KAZN: variants seen among roughly 807,000 people sequenced by gnomAD.
KAZN encodes the protein kazrin, periplakin interacting protein, also known as kazrin.
A neutral mutation model predicts 87.4 loss-of-function variants in KAZN; 40 were observed. The observed-to-expected ratio is 0.46, with a 90% CI of 0.36 to 0.60. The LOEUF is 0.60. Ranked by LOEUF, KAZN falls within the 20% of genes least tolerant of loss-of-function variation. The pLI is 0.00. For missense variants in KAZN, 898 were observed against 1,073.9 expected (o/e 0.84, Z 2.29); for synonymous variants, 466 against 458.3 (o/e 1.02, Z -0.22).
chr1:13,937,614 G>A (rs150864539), intron 1 of KAZN, among the ~76,000 whole-genome samples: 1 of 152,276 alleles, frequency 6.6e-6, no homozygotes, highest in African/African-American at 2.4e-5. Flanking sequence ...CCAATGTCCA[G>A]AAGAGATTTT....
At chr1:14,135,559 G>C (rs879657447) in intron 1 of KAZN, among the ~76,000 whole-genome samples, 1 of 152,200 alleles carries the variant, frequency 6.6e-6, no homozygotes, top group African/African-American at 2.4e-5. Flanking sequence ...TCTTTAACAA[G>C]TATCTCGAAC....
chr1:14,952,272 G>GTGTGTA (rs1662584603), intron 1 of KAZN, among the ~76,000 whole-genome samples: 1 of 148,730 alleles, frequency 6.7e-6, no homozygotes, highest in African/African-American at 2.5e-5. Flanking sequence ...GTGTGTGTGT[G>GTGTGTA]TGTGTCTCAA....
At chr1:14,005,161 A>C (rs1639982483) in intron 1 of KAZN, among the ~76,000 whole-genome samples, 1 of 152,240 alleles carries the variant, frequency 6.6e-6, no homozygotes, top group Non-Finnish European at 1.5e-5. Context: ...TTACTTTAAA[A>C]AGGAAAATAA....
intron 2 of KAZN, among the ~76,000 whole-genome samples, chr1:14,225,146 A>C (rs1397004012): frequency 1.3e-5 from 2 of 152,156 alleles, no homozygotes; most frequent in East Asian, 3.9e-4. Context: ...TACACCTAGA[A>C]AACCCCAGTC....
At chr1:14,533,753 A>G (rs1188541402) in intron 2 of KAZN, among the ~76,000 whole-genome samples, 1 of 152,118 alleles carries the variant, frequency 6.6e-6, no homozygotes, top group African/African-American at 2.4e-5. Context: ...CCAGTCTACA[A>G]TCCACAATTT....
chr1:14,512,630 C>G (rs535297365), intron 2 of KAZN, among the ~76,000 whole-genome samples: 1 of 152,170 alleles, frequency 6.6e-6, no homozygotes, highest in South Asian at 2.1e-4. Context: ...CCCAGAAAAG[C>G]TAAGGCCCAT....
At chr1:13,978,080 A>G (rs1638454135) in intron 1 of KAZN, among the ~76,000 whole-genome samples, 1 of 137,744 alleles carries the variant, frequency 7.3e-6, no homozygotes, top group Non-Finnish European at 1.5e-5. Context: ...GTGAGCCGAG[A>G]TCGTGCCACT....
In KAZN at chr1:14,111,683, C is replaced by T. The variant is rs557925312; in HGVS notation, c.92-68752C>T. On this transcript the variant is annotated intron_variant, in intron 1 of 16. Transcript: ENST00000636203. ...GCAGGGGCATTGAAAGTCCTGCACA[C>T]CTGCGTTGTCTCTGGACTCCACACC... Among the ~76,000 whole-genome samples, 129 of 133,328 alleles carry T rather than the reference C, an allele frequency of 9.7e-4. 25 individuals carry two copies. Among genetic ancestry groups the T allele is most frequent in the South Asian group, 1.8e-3 (7 of 3,968 alleles). The allele number at this position is 133,328 out of a possible 152,430, so 87.5% of individuals were successfully genotyped here. A position where few individuals can be genotyped will look rare whatever the true frequency, so the allele number is the denominator to read the frequency against.
intron 2 of KAZN, among the ~76,000 whole-genome samples, chr1:14,462,739 A>C (rs1412031127): frequency 6.6e-6 from 1 of 152,170 alleles, no homozygotes; most frequent in Non-Finnish European, 1.5e-5. Flanking sequence ...GAGTTTGTGC[A>C]GGGGAACTCC....
chr1:13,979,672 T>C (rs1160788518), intron 1 of KAZN, among the ~76,000 whole-genome samples: 3 of 152,204 alleles, frequency 2.0e-5, no homozygotes, highest in Non-Finnish European at 1.5e-5. Context: ...CACACGCCTG[T>C]AATCCCAGTA....
intron 1 of KAZN, among the ~76,000 whole-genome samples, chr1:14,080,714 G>A (rs1643643145): frequency 6.6e-6 from 1 of 152,200 alleles, no homozygotes; most frequent in Non-Finnish European, 1.5e-5. Context: ...AAAAGCTTCG[G>A]TAGCACATAG....
intron 1 of KAZN, among the ~76,000 whole-genome samples, chr1:14,621,806 C>T (rs990561541): frequency 1.3e-5 from 2 of 152,182 alleles, no homozygotes. Context: ...TCTGCCATGA[C>T]TGTGAGGCCC....
At chr1:15,085,408 A>G (rs1640204179) in intron 8 of KAZN, among the ~76,000 whole-genome samples, 1 of 152,116 alleles carries the variant, frequency 6.6e-6, no homozygotes, top group Non-Finnish European at 1.5e-5. Flanking sequence ...GCTCACTGCA[A>G]CCTCCACCTC....
intron 2 of KAZN, among the ~76,000 whole-genome samples, chr1:14,345,035 C>T (rs2100919950): frequency 6.6e-6 from 1 of 152,092 alleles, no homozygotes; most frequent in East Asian, 1.9e-4. Flanking sequence ...TCTCCTGCCT[C>T]AGCCTTCCGA....
At chr1:13,995,795 T>C (rs1031402190) in intron 1 of KAZN, among the ~76,000 whole-genome samples, 1 of 152,234 alleles carries the variant, frequency 6.6e-6, no homozygotes, top group African/African-American at 2.4e-5. Context: ...CTCCTCAGCC[T>C]GCAGACAGCC....
At chr1:14,180,389 A>C (rs1227573588) in intron 1 of KAZN, 1 of 1,526,994 alleles carries the variant, frequency 6.5e-7, no homozygotes, top group Non-Finnish European at 8.8e-7. Flanking sequence ...TTCTCTTTGA[A>C]AGTTACCAGT....
chr1:14,798,740 CT>C (rs1233178359), intron 1 of KAZN, among the ~76,000 whole-genome samples: 3 of 150,024 alleles, frequency 2.0e-5, no homozygotes, highest in Non-Finnish European at 4.4e-5. Context: ...GGCCCACTTT[CT>C]TTTTTCTTTT....
intron 1 of KAZN, among the ~76,000 whole-genome samples, chr1:14,951,309 G>T (rs1375252708): frequency 6.6e-6 from 1 of 152,012 alleles, no homozygotes; most frequent in East Asian, 1.9e-4. Flanking sequence ...CTTCCTTTCA[G>T]AACTCCCCTC....
At chr1:13,920,833 C>T (rs987484202) in intron 1 of KAZN, among the ~76,000 whole-genome samples, 2 of 152,182 alleles carry the variant, frequency 1.3e-5, no homozygotes, top group African/African-American at 2.4e-5. Flanking sequence ...GTCACGCTGA[C>T]ATTGGCCATT....
Sources: gnomAD v4.1 joint callset for allele counts (sites outside exome capture counted in the v4.1 genomes callset) on GRCh38, gnomAD v4.1.1 for gene constraint, MANE v1.5 for transcripts, NCBI Gene and HGNC (gene_info 2026-07-23, HGNC 2026-07-21) for gene names.